The following MACROD2 variants were observed in gnomAD, a reference collection of about 807,000 sequenced individuals.
The protein encoded by MACROD2 is mono-ADP ribosylhydrolase 2.
In MACROD2, 36 loss-of-function variants were observed where a neutral mutation model predicts 70.4. That is an observed-to-expected ratio of 0.51 (90% CI 0.39 to 0.68). MACROD2 has a LOEUF of 0.68. Ranked by LOEUF, MACROD2 falls within the 30% of genes least tolerant of loss-of-function variation. The pLI, the probability that MACROD2 is intolerant of heterozygous loss-of-function variation, is 0.00. For synonymous variants in MACROD2, 172 were observed against 178.8 expected, an observed-to-expected ratio of 0.96 and a Z score of 0.30; for missense variants, 496 against 538.4, an observed-to-expected ratio of 0.92 and a Z score of 0.78.
chr20:14,668,762 T>C (rs1481527451), intron 4 of MACROD2, among the ~76,000 whole-genome samples: 1 of 152,138 alleles, frequency 6.6e-6, no homozygotes, highest in Non-Finnish European at 1.5e-5. Context: ...CTTTTCTTGC[T>C]CTTAGAGTTT....
intron 5 of MACROD2, among the ~76,000 whole-genome samples, chr20:14,973,553 A>G (rs1292392246): frequency 6.6e-6 from 1 of 152,012 alleles, no homozygotes. Flanking sequence ...GTGGCAGAGG[A>G]AGGGTTTGCT....
chr20:14,453,614 C>A (rs902010756), intron 3 of MACROD2, among the ~76,000 whole-genome samples: 1 of 152,084 alleles, frequency 6.6e-6, no homozygotes, highest in African/African-American at 2.4e-5. Flanking sequence ...AAGCAACCTT[C>A]ATTCTGCCCC....
At chr20:15,078,044 C>T (rs1324781773) in intron 5 of MACROD2, among the ~76,000 whole-genome samples, 1 of 152,046 alleles carries the variant, frequency 6.6e-6, no homozygotes, top group Non-Finnish European at 1.5e-5. Flanking sequence ...TGTTTATATG[C>T]CTTGGTTTTA....
At position 15,743,076 on chromosome 20, in the gene MACROD2, A is replaced by G. The variant is rs116773567; in HGVS notation, c.646-119669A>G. Among the ~76,000 whole-genome samples, 989 of 152,284 alleles carry G rather than the reference A, an allele frequency of 6.5e-3. 10 individuals are homozygous for G. The highest frequency in any genetic ancestry group is 0.022 in the African/African-American group (927 of 41,540). The stretch of plus-strand genomic sequence containing the variant: ...CAAAGTAGCCCTCACCCCGGCCTCA[A>G]CCACCACCAAGTTCTATCACATGAA... On this transcript the variant is annotated intron_variant, in intron 8 of 17. Coordinates refer to ENST00000684519, the MANE Select transcript of MACROD2 (RefSeq NM_001351661.2).
At chr20:15,474,521 A>T (rs1476742367) in intron 7 of MACROD2, among the ~76,000 whole-genome samples, 3 of 152,210 alleles carry the variant, frequency 2.0e-5, no homozygotes, top group Non-Finnish European at 4.4e-5. Context: ...TTCCTGCTTC[A>T]GAATGCCTAA....
chr20:14,226,517 C>G (rs894925419), intron 3 of MACROD2, among the ~76,000 whole-genome samples: 1 of 152,120 alleles, frequency 6.6e-6, no homozygotes, highest in Non-Finnish European at 1.5e-5. Flanking sequence ...TAGGGAGGCG[C>G]GAGCGGGAAC....
chr20:14,948,257 T>C lies in MACROD2; in HGVS notation c.418+263298T>C, dbSNP rs554005274. ...GTAAGCTAAGCAGGCCATGCACAAA[T>C]ACTTGATGGGAGTGGGGAATGGCTG... is the stretch of plus-strand genomic sequence containing the variant. On this transcript the variant is annotated intron_variant, in intron 5 of 17. Transcript: ENST00000684519. Among the ~76,000 whole-genome samples, 33 of 152,292 alleles carry C rather than the reference T, an allele frequency of 2.2e-4. No homozygotes were observed. In the South Asian group the frequency reaches 6.0e-3, roughly 28 times the overall value.
intron 8 of MACROD2, among the ~76,000 whole-genome samples, chr20:15,579,594 A>G (rs2048497255): frequency 6.6e-6 from 1 of 152,114 alleles, no homozygotes; most frequent in Admixed American, 6.5e-5. Flanking sequence ...TTGTGGAAAA[A>G]TTTCAGTTCT....
intron 2 of MACROD2, among the ~76,000 whole-genome samples, chr20:14,056,165 A>G (rs2053628836): frequency 6.6e-6 from 1 of 151,958 alleles, no homozygotes; most frequent in South Asian, 2.1e-4. Context: ...TTCCTTAAGA[A>G]TTGTCTGTTT....
At chr20:15,242,933 A>C (rs371703514) in intron 6 of MACROD2, among the ~76,000 whole-genome samples, 264 of 152,318 alleles carry the variant, frequency 1.7e-3, no homozygotes, top group South Asian at 0.017. Context: ...AGAATTGGGC[A>C]GAGGGAGAAG....
At chr20:15,254,932 T>A (rs2077186171) in intron 6 of MACROD2, among the ~76,000 whole-genome samples, 2 of 109,310 alleles carry the variant, frequency 1.8e-5, no homozygotes, top group Non-Finnish European at 3.7e-5. Flanking sequence ...AGCACACCTT[T>A]TTTTTTTTTT....
intron 3 of MACROD2, among the ~76,000 whole-genome samples, chr20:14,311,674 T>C (rs1187080463): frequency 3.3e-5 from 5 of 152,014 alleles, no homozygotes; most frequent in East Asian, 3.9e-4. Flanking sequence ...CCCGCCACCA[T>C]GCCTGCCTAA....
chr20:15,868,043 C>T (rs557159322), intron 9 of MACROD2, among the ~76,000 whole-genome samples: 30 of 152,326 alleles, frequency 2.0e-4, no homozygotes, highest in African/African-American at 5.5e-4. Flanking sequence ...CCCTCCACAA[C>T]CCTCCAGCAG....
intron 8 of MACROD2, among the ~76,000 whole-genome samples, chr20:15,846,947 A>G (rs898809801): frequency 6.1e-5 from 5 of 81,984 alleles, no homozygotes; most frequent in African/African-American, 2.2e-4. Context: ...ATATATATAT[A>G]TATATGGCTT....
intron 5 of MACROD2, 171 bp downstream of exon 5, chr20:14,685,130 A>T: frequency 2.4e-6 from 1 of 415,530 alleles, no homozygotes; most frequent in Non-Finnish European, 4.3e-6. Flanking sequence ...CTCCAAATAT[A>T]TACATATATA....
Position 15,628,363 on chromosome 20 carries a change from A to G in MACROD2, c.645+128516A>G, listed in dbSNP as rs558719243. ...AATAATTAGCTGAGGCCATATTGCT[A>G]GCAATCTGCTAAGTGGGACTCTGAA... On this transcript the variant is annotated intron_variant, in intron 8 of 17. Coordinates refer to ENST00000684519, the MANE Select transcript of MACROD2 (RefSeq NM_001351661.2). Among the ~76,000 whole-genome samples, 4 of 152,348 alleles carry G rather than the reference A, an allele frequency of 2.6e-5. No individual in the cohort carries two copies. The East Asian group carries it at 7.7e-4, about 29-fold the overall frequency.
intron 3 of MACROD2, among the ~76,000 whole-genome samples, chr20:14,087,882 T>C (rs958518233): frequency 1.3e-5 from 2 of 152,114 alleles, no homozygotes; most frequent in African/African-American, 4.8e-5. Context: ...ATAAAAGATA[T>C]ATGTGTGTGT....
intron 4 of MACROD2, among the ~76,000 whole-genome samples, chr20:14,644,558 A>G (rs1257386174): frequency 2.0e-5 from 3 of 152,272 alleles, no homozygotes; most frequent in African/African-American, 4.8e-5. Flanking sequence ...AGTCCATATC[A>G]TTGCAATTTG....
intron 7 of MACROD2, among the ~76,000 whole-genome samples, chr20:15,480,063 G>C: frequency 6.6e-6 from 1 of 152,158 alleles, no homozygotes; most frequent in East Asian, 1.9e-4. Context: ...ATGTGATTAA[G>C]CCACAGTAGA....
Sources: gnomAD v4.1 joint callset for allele counts (sites outside exome capture counted in the v4.1 genomes callset) on GRCh38, gnomAD v4.1.1 for gene constraint, MANE v1.5 for transcripts, NCBI Gene and HGNC (gene_info 2026-07-23, HGNC 2026-07-21) for gene names.